Variants in TASP1 observed in about 807,000 individuals in gnomAD.
TASP1 encodes the protein threonine aspartase 1.
TASP1 carries 16 observed loss-of-function variants against 56.6 expected under a neutral mutation model. That is an observed-to-expected ratio of 0.28 (90% CI 0.19 to 0.43). TASP1 has a LOEUF of 0.43. TASP1 is among the 20% of genes least tolerant of loss of function. TASP1 has a pLI of 1.00. For missense variants in TASP1, 393 were observed against 511.6 expected (o/e 0.77, Z 2.24); for synonymous variants, 179 against 184.2 (o/e 0.97, Z 0.23).
chr20:13,410,881 C>T (rs1568763133), intron 13 of TASP1, among the ~76,000 whole-genome samples: 1 of 152,002 alleles, frequency 6.6e-6, no homozygotes, highest in Non-Finnish European at 1.5e-5. Flanking sequence ...CTTTTGAGGT[C>T]CTGGCCACAA....
rs954009631 is a variant in TASP1 at position 13,636,689 on chromosome 20, G to C, written c.-75+2205C>G. On this transcript the variant is annotated intron_variant, in intron 1 of 13. Transcript: ENST00000337743. ...ACCTAAATGTCCAATACAGAAAAACGGTTAAGAAAACAATAACCTACACTT... is the reference window on the plus strand; with the variant it reads ...ACCTAAATGTCCAATACAGAAAAACCGTTAAGAAAACAATAACCTACACTT... 2.6e-5 allele frequency among the ~76,000 whole-genome samples: 4 copies of C among 151,842 alleles called. No homozygotes were observed. The East Asian group carries it at 7.7e-4, about 29-fold the overall frequency.
rs151335556 is a variant in TASP1, at chr20:13,468,018, AAAAAACAAAAACAAAAAC to A, written c.985+15191_985+15208del. Among the ~76,000 whole-genome samples the A allele has an allele frequency of 1.5e-3, 222 of 151,748 alleles. 1 individual carries two copies. The highest frequency in any genetic ancestry group is 4.7e-3 in the African/African-American group (195 of 41,288). On this transcript the variant is annotated intron_variant, in intron 11 of 13. Transcript: ENST00000337743. ...GCAACAAAAGTAAAACTCCATCTCAAAAAAACAAAAACAAAAACAAAAACAAAAACAAAAAACAAAAAA... is the reference window on the plus strand; with the variant it reads ...GCAACAAAAGTAAAACTCCATCTCAAAAAAACAAAAACAAAAAACAAAAAA...
At chr20:13,230,005 T>C in the TASP1 span, among the ~76,000 whole-genome samples, 1 of 152,232 alleles carries the variant, frequency 6.6e-6, no homozygotes, top group African/African-American at 2.4e-5. Context: ...TATTTTCCTT[T>C]ATATAAACCA....
chr20:13,453,031 T>C (rs1182672470), intron 11 of TASP1, among the ~76,000 whole-genome samples: 1 of 152,000 alleles, frequency 6.6e-6, no homozygotes, highest in African/African-American at 2.4e-5. Context: ...CATGGAATAG[T>C]TTTGTCAAAT....
chr20:13,393,786 T>C (rs1319419947), intron 13 of TASP1: 10 of 593,742 alleles, frequency 1.7e-5, no homozygotes, highest in Non-Finnish European at 3.0e-5. Flanking sequence ...TCTCCCCTCC[T>C]CACAATGTCC....
the TASP1 span, among the ~76,000 whole-genome samples, chr20:13,255,966 A>G: frequency 7.3e-5 from 11 of 151,686 alleles, no homozygotes; most frequent in Non-Finnish European, 1.5e-4. Context: ...AGAGGGAAAG[A>G]CCATTTGTAA....
chr20:13,231,745 A>G, the TASP1 span, among the ~76,000 whole-genome samples: 1 of 152,154 alleles, frequency 6.6e-6, no homozygotes, highest in Non-Finnish European at 1.5e-5. Flanking sequence ...TTCCCCATGG[A>G]AGAGATAGTA....
the TASP1 span, among the ~76,000 whole-genome samples, chr20:13,184,584 T>C: frequency 6.6e-6 from 1 of 152,224 alleles, no homozygotes; most frequent in Non-Finnish European, 1.5e-5. Flanking sequence ...CACTGTGGTA[T>C]TATGATAATC....
chr20:13,160,109 C>G, the TASP1 span: 1 of 1,613,962 alleles, frequency 6.2e-7, no homozygotes, highest in African/African-American at 1.3e-5. Flanking sequence ...TTCAGCGGCA[C>G]ATACCCGGGA....
chr20:13,540,334 TTTATAAGTTCTACATTAAATATAA>T (rs2045575349), intron 8 of TASP1, among the ~76,000 whole-genome samples: 1 of 152,204 alleles, frequency 6.6e-6, no homozygotes, highest in Non-Finnish European at 1.5e-5. Context: ...TAAATCAAAA[TTTATAAGTTCTACATTAAATATAA>T]ACCTACCTAT....
At chr20:13,600,368 G>C (rs1359275614) in intron 4 of TASP1, among the ~76,000 whole-genome samples, 1 of 152,064 alleles carries the variant, frequency 6.6e-6, no homozygotes, top group East Asian at 1.9e-4. Flanking sequence ...TCAAGAGTGT[G>C]GTATTGACAT....
chr20:13,604,980 C>A (rs2048094000), intron 4 of TASP1, among the ~76,000 whole-genome samples: 1 of 118,458 alleles, frequency 8.4e-6, no homozygotes, highest in African/African-American at 3.1e-5. Context: ...TACATAAAGA[C>A]ATAATACATA....
chr20:13,521,003 A>G (rs112796992), intron 10 of TASP1, among the ~76,000 whole-genome samples: 4 of 152,268 alleles, frequency 2.6e-5, no homozygotes, highest in Admixed American at 6.5e-5. Flanking sequence ...CATTTATGCA[A>G]CCAAAAGACA....
At chr20:13,518,665 C>T (rs1286214540) in intron 10 of TASP1, among the ~76,000 whole-genome samples, 1 of 152,116 alleles carries the variant, frequency 6.6e-6, no homozygotes, top group African/African-American at 2.4e-5. Flanking sequence ...TTCATTCACA[C>T]TCATTCAGCA....
At chr20:13,229,100 T>A in the TASP1 span, among the ~76,000 whole-genome samples, 1 of 151,990 alleles carries the variant, frequency 6.6e-6, no homozygotes, top group Non-Finnish European at 1.5e-5. Context: ...TCCTTTTTTA[T>A]CTTCCTTTCC....
chr20:13,438,308 T>C (rs1274605749), intron 11 of TASP1, among the ~76,000 whole-genome samples: 2 of 152,088 alleles, frequency 1.3e-5, no homozygotes, highest in Non-Finnish European at 2.9e-5. Context: ...AAAACAGAGA[T>C]ATAGACCAAT....
At chr20:13,175,370 G>A in the TASP1 span, among the ~76,000 whole-genome samples, 3 of 152,184 alleles carry the variant, frequency 2.0e-5, no homozygotes, top group African/African-American at 7.2e-5. Context: ...AGCTGTAATA[G>A]CTAAGCTGAA....
chr20:13,453,915 G>A (rs1478280654), intron 11 of TASP1, among the ~76,000 whole-genome samples: 1 of 152,032 alleles, frequency 6.6e-6, no homozygotes, highest in African/African-American at 2.4e-5. Context: ...TTTCAGAGCA[G>A]GTGGTATTTC....
In TASP1 at chr20:13,483,228, G is replaced by A. The variant is rs2043203243; in HGVS notation, c.984C>T (p.Ile328=). The A allele has an allele frequency of 6.3e-7, 1 of 1,577,108 alleles. No individual in the cohort carries two copies. The highest frequency in any genetic ancestry group is 1.4e-5 in the African/African-American group (1 of 73,256). ...ALLETMQNKF[I]SSPFLASEDG... ...TAATCTTCTTAATGTTATACTTACT[G>A]ATAAACTTGTTTTGCATAGTCTCCA... is the stretch of plus-strand genomic sequence containing the variant. The change falls in exon 11 of 14, where the codon ATC becomes ATT. Residue 328 remains isoleucine, a splice_region_variant and synonymous_variant. Transcript: ENST00000337743.
Sources: allele counts gnomAD v4.1 joint callset (sites outside exome capture counted in the v4.1 genomes callset), GRCh38; gene constraint gnomAD v4.1.1; transcripts MANE v1.5; gene names NCBI Gene and HGNC (gene_info 2026-07-23, HGNC 2026-07-21).